Variants in NOM1 observed in about 807,000 individuals in gnomAD.
NOM1 encodes nucleolar MIF4G domain-containing protein 1.
Under a neutral mutation model 73.3 loss-of-function variants are expected in NOM1, and 58 were observed. The ratio of observed to expected loss-of-function variants is 0.79; its 90% CI spans 0.64 to 0.99. The LOEUF (loss-of-function observed/expected upper bound fraction) is 0.99. Among genes scored for constraint, NOM1 ranks in the 50% least tolerant of loss-of-function variants. The pLI, the probability that NOM1 is intolerant of heterozygous loss-of-function variation, is 0.00. For missense variants in NOM1, 1,226 were observed against 1,131.9 expected (o/e 1.08, Z -1.19); for synonymous variants, 487 against 446.8 (o/e 1.09, Z -1.14).
intron 10 of NOM1, 131 bp downstream of exon 10, chr7:156,969,327 T>C: frequency 1.4e-6 from 1 of 719,706 alleles, no homozygotes; most frequent in Non-Finnish European, 2.3e-6. Context: ...TTTAAGCTGG[T>C]ATGCATTAGA....
Position 156,959,998 on chromosome 7 carries a change from A to G in NOM1, c.1456A>G (p.Ile486Val). The G allele has an allele frequency of 1.2e-6, 2 of 1,614,190 alleles. No homozygotes were observed. Among genetic ancestry groups the G allele is most frequent in the South Asian group, 1.1e-5 (1 of 91,078 alleles). ...HVVQSLLIFD[I>V]LKKLIGTFTE... ...GGTACAGTCTCTCCTCATCTTCGAC[A>G]TTTTGAAAAAACTGATTGGAACTTT... Residue 486 changes from isoleucine to valine, a missense_variant, in exon 4 of 11, where the codon ATT (isoleucine) becomes GTT (valine). Coordinates refer to ENST00000275820, the MANE Select transcript of NOM1 (RefSeq NM_138400.2).
At chr7:156,957,151 AG>A (rs1415657954) in intron 3 of NOM1, among the ~76,000 whole-genome samples, 1 of 152,262 alleles carries the variant, frequency 6.6e-6, no homozygotes, top group Non-Finnish European at 1.5e-5. Context: ...TGACATCCAC[AG>A]AAACTTCTGC....
At chr7:156,964,438 C>T (rs980476015) in intron 7 of NOM1, among the ~76,000 whole-genome samples, 3 of 151,956 alleles carry the variant, frequency 2.0e-5, no homozygotes, top group Non-Finnish European at 4.4e-5. Flanking sequence ...TTTAAAACAT[C>T]CTGGTATAGT....
rs375761705 is a variant in NOM1 at position 156,950,308 on chromosome 7, C to T, written c.571C>T (p.Arg191Cys). 6.2e-6 allele frequency: 10 copies of T among 1,614,008 alleles called. No individual in the cohort carries two copies. The highest frequency in any genetic ancestry group is 1.3e-5 in the African/African-American group (1 of 74,936). Residue 191 changes from arginine (R) to cysteine (C), a missense_variant, in exon 1 of 11, where the codon CGT (arginine) becomes TGT (cysteine). Arg to Cys is a radical substitution (Grantham distance 180). Coordinates refer to ENST00000275820, the MANE Select transcript of NOM1 (RefSeq NM_138400.2). The part of the protein sequence containing the change: ...EEDREIRKLE[R>C]CLGLNKRKKK... ...GGACCGAGAGATCCGAAAGCTGGAG[C>T]GTTGCCTCGGTTTGAACAAGCGCAA... is the stretch of plus-strand genomic sequence containing the variant.
Position 156,963,113 on chromosome 7 carries a change from A to G in NOM1, c.1849A>G (p.Ser617Gly). 6.2e-7 allele frequency: 1 copy of G among 1,614,034 alleles called. No homozygotes were observed. The highest frequency in any genetic ancestry group is 8.5e-7 in the Non-Finnish European group (1 of 1,180,006). Reference protein sequence around the residue: ...GRWWIVGSAWSGAPMIDNSHH... With the variant: ...GRWWIVGSAWGGAPMIDNSHH... ...CTGGTGGATTGTGGGGTCCGCCTGG[A>G]GTGGGGCCCCGATGATCGACAACAG... The change falls in exon 6 of 11, where the codon AGT (serine) becomes GGT (glycine). Residue 617 changes from serine (S) to glycine (G), a missense_variant. Physicochemically the swap from Ser to Gly is moderately conservative, Grantham distance 56. Transcript: ENST00000275820.
At chr7:156,966,924 C>T in intron 8 of NOM1, 37 bp from the exon 9 acceptor site, 1 of 1,580,856 alleles carries the variant, frequency 6.3e-7, no homozygotes, top group Non-Finnish European at 8.6e-7. Context: ...TAATTTGTGG[C>T]CGTTTGCCTT....
chr7:156,954,200 C>G lies in NOM1; in HGVS notation c.1210C>G (p.Leu404Val). Residue 404 changes from leucine to valine, a missense_variant, in exon 3 of 11, where the codon CTC becomes GTC. Leu to Val is a conservative substitution (Grantham distance 32, BLOSUM62 1). Coordinates refer to ENST00000275820, the MANE Select transcript of NOM1 (RefSeq NM_138400.2). ...CATGAATGACACCCTGACCTCCGCT[C>G]TCATGGGTGCCTGCGTCACTGCCTC... is the stretch of plus-strand genomic sequence containing the variant. ...KDMNDTLTSA[L>V]MGACVTASAM... 3 of 1,613,946 alleles carry G rather than the reference C, an allele frequency of 1.9e-6. No individual in the cohort carries two copies. The highest frequency in any genetic ancestry group is 2.5e-6 in the Non-Finnish European group (3 of 1,179,940).
At position 156,969,119 on chromosome 7, in the gene NOM1, A is replaced by G. The variant is rs1805077180; in HGVS notation, c.2331A>G (p.Arg777=). ...VVEFSELDKP[R]VRFLRKVLSI... ...AATTCAGTGAATTGGACAAACCCAG[A>G]GTCCGTTTTTTACGAAAAGTATTAA... The change falls in exon 10 of 11, where the codon AGA becomes AGG. Residue 777 remains arginine (R), a synonymous_variant. Transcript: ENST00000275820. 1 of 1,596,622 alleles carries G rather than the reference A, an allele frequency of 6.3e-7. No individual in the cohort carries two copies. The highest frequency in any genetic ancestry group is 8.6e-7 in the Non-Finnish European group (1 of 1,163,942).
chr7:156,956,394 T>C (rs1325133607), intron 3 of NOM1, among the ~76,000 whole-genome samples: 1 of 152,198 alleles, frequency 6.6e-6, no homozygotes, highest in Non-Finnish European at 1.5e-5. Context: ...ACGAGTTAGT[T>C]CATGTAATAG....
chr7:156,960,289 T>G, intron 4 of NOM1, 115 bp downstream of exon 4: 1 of 821,638 alleles, frequency 1.2e-6, no homozygotes, highest in South Asian at 1.8e-5. Context: ...TGATTTCTGT[T>G]TTTTCTGTCT....
rs778275600 is a variant in NOM1, at chr7:156,963,122, C to G, written c.1858C>G (p.Pro620Ala). The G allele has an allele frequency of 1.3e-5, 21 of 1,614,146 alleles. No individual in the cohort carries two copies. Among genetic ancestry groups the G allele is most frequent in the Non-Finnish European group, 1.8e-5 (21 of 1,180,028 alleles). ...WIVGSAWSGA[P>A]MIDNSHHTHL... is the part of the protein sequence containing the mutation. ...TGTGGGGTCCGCCTGGAGTGGGGCC[C>G]CGATGATCGACAACAGTCACCATAC... The change falls in exon 6 of 11, where the codon CCG becomes GCG. Residue 620 changes from proline (P) to alanine (A), a missense_variant. Coordinates refer to ENST00000275820, the MANE Select transcript of NOM1 (RefSeq NM_138400.2).
rs145298188 is a variant in NOM1, at chr7:156,950,533, G to A, written c.796G>A (p.Asp266Asn). 1.9e-6 allele frequency: 3 copies of A among 1,613,968 alleles called. No individual in the cohort carries two copies. The highest frequency in any genetic ancestry group is 1.6e-4 in the Middle Eastern group (1 of 6,062). Residue 266 changes from aspartate to asparagine, a missense_variant, in exon 1 of 11, where the codon GAC (aspartate) becomes AAC (asparagine). Asp to Asn is a conservative substitution (Grantham distance 23). Coordinates refer to ENST00000275820, the MANE Select transcript of NOM1 (RefSeq NM_138400.2). ...CGAAAGTGAGGAGGAGGAGGAGGGA[G>A]ACGTAGAAAAGGAAAAGAAGGCGCA... ...QDESEEEEEG[D>N]VEKEKKAQEA... is the part of the protein sequence containing the mutation.
At chr7:156,962,928 A>G in intron 5 of NOM1, 80 bp from the exon 6 acceptor site, 2 of 1,474,482 alleles carry the variant, frequency 1.4e-6, no homozygotes, top group Middle Eastern at 1.8e-4. Flanking sequence ...GTCATGGTCA[A>G]AAACAAAAAG....
intron 3 of NOM1, among the ~76,000 whole-genome samples, chr7:156,959,015 A>G (rs990982637): frequency 6.6e-6 from 1 of 152,248 alleles, no homozygotes; most frequent in Non-Finnish European, 1.5e-5. Context: ...TGTTTTAGAA[A>G]TCACTCGTAT....
At chr7:156,964,453 A>G (rs527546861) in intron 7 of NOM1, among the ~76,000 whole-genome samples, 13 of 152,250 alleles carry the variant, frequency 8.5e-5, no homozygotes, top group Middle Eastern at 3.4e-3. Flanking sequence ...TATAGTTTGT[A>G]TAATTAGTTG....
Position 156,967,051 on chromosome 7 carries a change from C to G in NOM1, c.2257C>G (p.His753Asp), listed in dbSNP as rs763202590. Reference protein sequence around the residue: ...NFSNLVHLVAHLLKTKSLSLS... With the variant: ...NFSNLVHLVADLLKTKSLSLS... ...CTCTAATTTGGTTCATCTGGTGGCCCACTTGTTGAAGACAAAATCGCTTTC... is the reference window on the plus strand; with the variant it reads ...CTCTAATTTGGTTCATCTGGTGGCCGACTTGTTGAAGACAAAATCGCTTTC... Residue 753 changes from histidine to aspartate, a missense_variant, in exon 9 of 11, where the codon CAC becomes GAC. Physicochemically the swap from His to Asp is moderately conservative, Grantham distance 81 (BLOSUM62 -1). Coordinates refer to ENST00000275820, the MANE Select transcript of NOM1 (RefSeq NM_138400.2). 3.7e-6 allele frequency: 6 copies of G among 1,613,404 alleles called. No homozygotes were observed. In the South Asian group the frequency reaches 6.6e-5, roughly 18 times the overall value.
chr7:156,963,214 C>T (rs923936540), intron 6 of NOM1, 39 bp downstream of exon 6: 3 of 1,607,102 alleles, frequency 1.9e-6, no homozygotes, highest in Non-Finnish European at 2.6e-6. Flanking sequence ...GGCAGAGGCA[C>T]CCCCCTGTGT....
chr7:156,958,402 C>G (rs770458962), intron 3 of NOM1, among the ~76,000 whole-genome samples: 1 of 152,176 alleles, frequency 6.6e-6, no homozygotes, highest in African/African-American at 2.4e-5. Flanking sequence ...CCTGGTCCAG[C>G]GCAGCTGCGT....
intron 9 of NOM1, chr7:156,968,827 G>T: frequency 2.7e-6 from 1 of 366,478 alleles, no homozygotes; most frequent in South Asian, 2.9e-5. Flanking sequence ...GTATGACCCG[G>T]GAATTCCACT....
Sources: gnomAD v4.1 joint callset for allele counts (sites outside exome capture counted in the v4.1 genomes callset) on GRCh38, gnomAD v4.1.1 for gene constraint, MANE v1.5 for transcripts, NCBI Gene and HGNC (gene_info 2026-07-23, HGNC 2026-07-21) for gene names.